The following SIL1 variants were observed in gnomAD, a reference collection of about 807,000 sequenced individuals.
SIL1 encodes the protein SIL1 nucleotide exchange factor, also known as nucleotide exchange factor SIL1.
A neutral mutation model predicts 49.1 loss-of-function variants in SIL1; 40 were observed. That is an observed-to-expected ratio of 0.81 (90% CI 0.63 to 1.06). The LOEUF is 1.06. Among genes scored for constraint, SIL1 ranks in the 50% least tolerant of loss-of-function variants. SIL1 has a pLI of 0.00. For missense variants in SIL1, 500 were observed against 572.6 expected (o/e 0.87, Z 1.29); for synonymous variants, 253 against 250.8 (o/e 1.01, Z -0.08).
At chr5:139,172,272 G>A (rs1275341863) in intron 1 of SIL1, among the ~76,000 whole-genome samples, 1 of 152,150 alleles carries the variant, frequency 6.6e-6, no homozygotes, top group African/African-American at 2.4e-5. Flanking sequence ...ACTCCAAACA[G>A]GATGAATACA....
chr5:139,104,903 T>C (rs767011663), intron 3 of SIL1, among the ~76,000 whole-genome samples: 17 of 152,150 alleles, frequency 1.1e-4, no homozygotes, highest in Admixed American at 2.0e-4. Flanking sequence ...GAGACTGTCC[T>C]CTTTTCCTGA....
intron 3 of SIL1, among the ~76,000 whole-genome samples, chr5:139,074,499 G>A (rs945355786): frequency 6.6e-6 from 1 of 152,170 alleles, no homozygotes; most frequent in African/African-American, 2.4e-5. Flanking sequence ...CTAGGGTTAG[G>A]CTTTACAAGG....
chr5:138,954,980 G>C (rs1389238837), intron 7 of SIL1, among the ~76,000 whole-genome samples: 1 of 152,234 alleles, frequency 6.6e-6, no homozygotes, highest in Non-Finnish European at 1.5e-5. Context: ...AAAGAGGCCA[G>C]ACCACATCTT....
chr5:139,146,940 C>A (rs150853666), intron 1 of SIL1, among the ~76,000 whole-genome samples: 31 of 152,290 alleles, frequency 2.0e-4, no homozygotes, highest in Non-Finnish European at 4.0e-4. Context: ...ATCATAAGAT[C>A]CACAAAACTG....
At chr5:139,090,108 C>T (rs2151775712) in intron 3 of SIL1, among the ~76,000 whole-genome samples, 1 of 152,236 alleles carries the variant, frequency 6.6e-6, no homozygotes, top group Admixed American at 6.5e-5. Flanking sequence ...CACTCCAAAG[C>T]CCACTCCACA....
At chr5:139,013,034 C>T (rs1768319524) in intron 7 of SIL1, among the ~76,000 whole-genome samples, 1 of 152,196 alleles carries the variant, frequency 6.6e-6, no homozygotes, top group Non-Finnish European at 1.5e-5. Context: ...TTATGGGCTT[C>T]ATCCCATCTC....
chr5:139,024,346 G>A (rs943019645), intron 6 of SIL1, among the ~76,000 whole-genome samples: 2 of 152,236 alleles, frequency 1.3e-5, no homozygotes, highest in Admixed American at 1.3e-4. Flanking sequence ...AAAGAGAACC[G>A]AGGTTCATTT....
chr5:139,126,335 C>T (rs1350701676), intron 2 of SIL1, among the ~76,000 whole-genome samples: 2 of 152,198 alleles, frequency 1.3e-5, no homozygotes, highest in African/African-American at 2.4e-5. Flanking sequence ...TCTGAAAGCT[C>T]ATCTATTTGG....
chr5:139,040,494 TTTTC>T (rs1561839011), intron 5 of SIL1, among the ~76,000 whole-genome samples: 6 of 107,336 alleles, frequency 5.6e-5, no homozygotes, highest in Admixed American at 1.1e-4. Context: ...CTTTTTTCTT[TTTTC>T]TTTTTTTTTT....
chr5:138,998,873 T>C (rs1203083113), intron 7 of SIL1, among the ~76,000 whole-genome samples: 2 of 115,852 alleles, frequency 1.7e-5, no homozygotes, highest in African/African-American at 7.3e-5. Context: ...TTTTTTTTTT[T>C]TTGAGACAGT....
intron 3 of SIL1, among the ~76,000 whole-genome samples, chr5:139,089,319 C>A (rs1157898124): frequency 6.6e-6 from 1 of 152,194 alleles, no homozygotes; most frequent in East Asian, 1.9e-4. Context: ...TTCCCTTGAA[C>A]TTCTGACTCT....
intron 1 of SIL1, among the ~76,000 whole-genome samples, chr5:139,195,600 G>A (rs754735788): frequency 4.0e-5 from 6 of 151,856 alleles, no homozygotes; most frequent in Non-Finnish European, 8.8e-5. Flanking sequence ...TGTTAGCCAG[G>A]ATGGTCTCGA....
intron 1 of SIL1, chr5:139,196,489 A>T (rs975919097): frequency 6.6e-6 from 1 of 152,196 alleles, no homozygotes; most frequent in Non-Finnish European, 1.5e-5. Flanking sequence ...GAAACACACC[A>T]GGGCTCACAG....
chr5:139,131,202 C>G (rs1750855853), intron 1 of SIL1, among the ~76,000 whole-genome samples: 1 of 152,156 alleles, frequency 6.6e-6, no homozygotes. Context: ...TCCCTCAGCC[C>G]CAGTATACCT....
At chr5:139,046,635 A>G (rs1769170972) in intron 4 of SIL1, among the ~76,000 whole-genome samples, 1 of 152,204 alleles carries the variant, frequency 6.6e-6, no homozygotes, top group Non-Finnish European at 1.5e-5. Flanking sequence ...CTTTTTGTCC[A>G]TATCATCCTT....
chr5:139,157,373 C>T (rs911082557), intron 1 of SIL1, among the ~76,000 whole-genome samples: 1 of 152,140 alleles, frequency 6.6e-6, no homozygotes, highest in Non-Finnish European at 1.5e-5. Context: ...TATCAGACCA[C>T]GAGTAATTCA....
chr5:139,119,577 A>G (rs1750563016), intron 3 of SIL1, among the ~76,000 whole-genome samples: 2 of 152,160 alleles, frequency 1.3e-5, no homozygotes, highest in South Asian at 4.1e-4. Flanking sequence ...CCTGGGCAAC[A>G]GGGCAAAACC....
chr5:139,020,998 A>G, intron 7 of SIL1, 173 bp downstream of exon 7: 3 of 825,302 alleles, frequency 3.6e-6, no homozygotes, highest in Admixed American at 2.1e-5. Context: ...GATGGTGACA[A>G]CATGGGTAAA....
chr5:139,189,503 T>C (rs1752131125), intron 1 of SIL1, among the ~76,000 whole-genome samples: 1 of 152,038 alleles, frequency 6.6e-6, no homozygotes, highest in African/African-American at 2.4e-5. Flanking sequence ...TTATGGTGAG[T>C]TGTATATTTC....
Sources: allele counts gnomAD v4.1 joint callset (sites outside exome capture counted in the v4.1 genomes callset), GRCh38; gene constraint gnomAD v4.1.1; transcripts MANE v1.5; gene names NCBI Gene and HGNC (gene_info 2026-07-23, HGNC 2026-07-21).